Variants in POU2F2 observed in about 807,000 individuals in gnomAD.
The protein encoded by POU2F2 is POU class 2 homeobox 2.
Under a neutral mutation model 63.5 loss-of-function variants are expected in POU2F2, and 14 were observed. The observed-to-expected ratio is 0.22, with a 90% CI of 0.15 to 0.34. The LOEUF (loss-of-function observed/expected upper bound fraction) is 0.34, where lower values mean the gene tolerates loss of function less well. POU2F2 is among the 10% of genes least tolerant of loss of function. POU2F2 has a pLI of 1.00. For missense variants in POU2F2, 607 were observed against 815.2 expected, an observed-to-expected ratio of 0.74 and a Z score of 3.11; for synonymous variants, 306 against 348.6, an observed-to-expected ratio of 0.88 and a Z score of 1.36.
At chr19:42,176,700 C>T (rs2034887811), upstream of POU2F2, among the ~76,000 whole-genome samples, 1 of 150,744 alleles carries the variant, frequency 6.6e-6, no homozygotes, top group Admixed American at 6.6e-5. Flanking sequence ...CCCTCACTGC[C>T]ATCGAGAGCA....
chr19:42,189,823 A>G (rs1158851144), intron 1 of POU2F2, among the ~76,000 whole-genome samples: 4 of 152,164 alleles, frequency 2.6e-5, no homozygotes, highest in Non-Finnish European at 5.9e-5. Flanking sequence ...CCCAGGCTCC[A>G]GCAATCCTCC....
Position 42,155,284 on chromosome 19 carries a change from T to C in POU2F2, c.-9+5048A>G, listed in dbSNP as rs959088029. Among the ~76,000 whole-genome samples the C allele has an allele frequency of 6.6e-6, 1 of 152,266 alleles. No homozygotes were observed. The highest frequency in any genetic ancestry group is 6.5e-5 in the Admixed American group (1 of 15,290). ...CTTTCTGTCTCTGAGTCCCTCACTCTGCTTTCCTGCCTCTGACTTTTCTGC... is the reference window on the plus strand; with the variant it reads ...CTTTCTGTCTCTGAGTCCCTCACTCCGCTTTCCTGCCTCTGACTTTTCTGC... On this transcript the variant is annotated intron_variant, in intron 2 of 6. Coordinates refer to the POU2F2 transcript ENST00000524801. The surrounding 1 kb of genome is among the most constrained non-coding windows in gnomAD (Gnocchi z 4.2).
chr19:42,166,539 T>C (rs979820825), intron 1 of POU2F2, among the ~76,000 whole-genome samples: 1 of 152,146 alleles, frequency 6.6e-6, no homozygotes, highest in African/African-American at 2.4e-5. Flanking sequence ...TGTGTCTGAC[T>C]CCACAGTCTG....
chr19:42,091,700 AC>A (rs1252856020), intron 14 of POU2F2, 109 bp from the exon 15 acceptor site: 8 of 1,550,628 alleles, frequency 5.2e-6, no homozygotes, highest in Non-Finnish European at 7.0e-6. Flanking sequence ...GGTCCCACTG[AC>A]CCCCATCAGC....
chr19:42,103,459 G>A (rs2077217075), intron 5 of POU2F2, among the ~76,000 whole-genome samples: 3 of 152,094 alleles, frequency 2.0e-5, no homozygotes. Context: ...ATGTAAAGTT[G>A]AAAGCTATAA....
intron 4 of POU2F2, among the ~76,000 whole-genome samples, chr19:42,120,253 G>C (rs187574826): frequency 3.7e-5 from 5 of 134,750 alleles, no homozygotes; most frequent in Non-Finnish European, 6.2e-5. Flanking sequence ...GTCTTTCTCT[G>C]TTGCCCAGGC....
rs1418939279 is a variant in POU2F2, at chr19:42,106,779, AAGGAGGAAGAGGAGGAGG to A, written c.370-6976_370-6959del. 1.3e-4 allele frequency among the ~76,000 whole-genome samples: 19 copies of A among 142,458 alleles called. No individual in the cohort carries two copies. The South Asian group carries it at 3.1e-3, about 24-fold the overall frequency. The allele number at this position is 142,458 out of a possible 152,430, so 93.5% of individuals were successfully genotyped here. On this transcript the variant is annotated intron_variant, in intron 5 of 14. Transcript: ENST00000692977. ...AAAAAACAAGAAGGAGGAAGAGGAG[AAGGAGGAAGAGGAGGAGG>A]AGGAGGAAGAGGAGGAGGAGGAGAA...
At position 42,153,403 on chromosome 19, in the gene POU2F2, C is replaced by T. The variant is rs1165207313; in HGVS notation, c.-9+6929G>A. Among the ~76,000 whole-genome samples, 1 of 152,144 alleles carries T rather than the reference C, an allele frequency of 6.6e-6. No homozygotes were observed. The highest frequency in any genetic ancestry group is 1.5e-5 in the Non-Finnish European group (1 of 68,016). On this transcript the variant is annotated intron_variant, in intron 2 of 6. Coordinates refer to the POU2F2 transcript ENST00000524801. This position sits in a 1 kb window ranked among gnomAD's most constrained non-coding sequence, Gnocchi z 5.6. ...TATCCCAGGAACACCTCAGGGATCT[C>T]CTCTGTCCCCAGTTAATGGGGTAGC...
chr19:42,109,215 G>A (rs1211191271), intron 5 of POU2F2, among the ~76,000 whole-genome samples: 1 of 152,212 alleles, frequency 6.6e-6, no homozygotes, highest in African/African-American at 2.4e-5. Context: ...AACGGCCCAG[G>A]TGCTGCACCT....
chr19:42,124,348 G>A (rs1179441917), intron 1 of POU2F2, among the ~76,000 whole-genome samples: 1 of 147,378 alleles, frequency 6.8e-6, no homozygotes, highest in Non-Finnish European at 1.5e-5. Context: ...GCTAAAGTAA[G>A]GGATAAGAAA....
chr19:42,178,249 C>T (rs1034142054), upstream of POU2F2, among the ~76,000 whole-genome samples: 1 of 151,352 alleles, frequency 6.6e-6, no homozygotes, highest in Non-Finnish European at 1.5e-5. Flanking sequence ...CATGCAGAGA[C>T]AGAGATGCAG....
intron 2 of POU2F2, among the ~76,000 whole-genome samples, chr19:42,140,191 C>T (rs2034098949): frequency 6.6e-6 from 1 of 152,240 alleles, no homozygotes; most frequent in Non-Finnish European, 1.5e-5. Context: ...AGGCTCTGCC[C>T]TTGGCCCAGG....
chr19:42,180,970 A>C (rs2034953734), upstream of POU2F2, among the ~76,000 whole-genome samples: 2 of 151,974 alleles, frequency 1.3e-5, no homozygotes, highest in Admixed American at 6.5e-5. Flanking sequence ...GGATCCAAAA[A>C]ACTTGGTTTG....
At chr19:42,100,815 C>T (rs1209644229) in intron 5 of POU2F2, among the ~76,000 whole-genome samples, 2 of 151,846 alleles carry the variant, frequency 1.3e-5, no homozygotes, top group Non-Finnish European at 2.9e-5. Flanking sequence ...TAAAAACACT[C>T]CTGGCTGGGC....
upstream of POU2F2, among the ~76,000 whole-genome samples, chr19:42,177,592 G>A (rs1410686561): frequency 6.6e-6 from 1 of 151,970 alleles, no homozygotes. Context: ...AGGAATAGAA[G>A]GGGACACGGA....
chr19:42,156,760 GC>G lies in POU2F2; in HGVS notation c.-9+3571del, dbSNP rs143427382. 25 of 151,672 alleles carry G rather than the reference GC, an allele frequency of 1.6e-4. No individual in the cohort carries two copies. The highest frequency in any genetic ancestry group is 3.4e-4 in the Non-Finnish European group (23 of 67,750). The allele number at this position is 151,672 out of a possible 1,614,324, so 9.4% of individuals were successfully genotyped here. A position where few individuals can be genotyped will look rare whatever the true frequency, so the allele number is the denominator to read the frequency against. ...GGCCTGCGCCTCCCATCCCAGGGCA[GC>G]CCCCCCGCCATACCTACACTCTTGG... On this transcript the variant is annotated intron_variant, in intron 2 of 6. Transcript: ENST00000524801. The surrounding 1 kb of genome is among the most constrained non-coding windows in gnomAD (Gnocchi z 4.1).
chr19:42,126,966 G>C (rs754143033), intron 1 of POU2F2, among the ~76,000 whole-genome samples: 2 of 152,026 alleles, frequency 1.3e-5, no homozygotes, highest in Non-Finnish European at 2.9e-5. Context: ...GGCCAGGCTG[G>C]AATGCAGTGG....
chr19:42,125,710 T>C (rs566970985), intron 1 of POU2F2, among the ~76,000 whole-genome samples: 15 of 152,296 alleles, frequency 9.8e-5, no homozygotes, highest in Non-Finnish European at 7.4e-5. Context: ...AGCTCCACAT[T>C]GCCTCAGGGC....
intron 1 of POU2F2, among the ~76,000 whole-genome samples, chr19:42,182,028 G>A (rs1283467753): frequency 2.0e-5 from 3 of 152,162 alleles, no homozygotes; most frequent in African/African-American, 4.8e-5. Flanking sequence ...AGGATAAAGG[G>A]TGTAAGATAA....
Sources: gnomAD v4.1 joint callset for allele counts (sites outside exome capture counted in the v4.1 genomes callset) on GRCh38, gnomAD v4.1.1 for gene constraint, Gnocchi (gnomAD v3.1) non-coding constraint, MANE v1.5 for transcripts, NCBI Gene and HGNC (gene_info 2026-07-23, HGNC 2026-07-21) for gene names.